EFR3A: variants seen among roughly 807,000 people sequenced by gnomAD.
EFR3A encodes EFR3 homolog A, also known as protein EFR3 homolog A.
In EFR3A, 76 loss-of-function variants were observed where a neutral mutation model predicts 104.4. That is an observed-to-expected ratio of 0.73 (90% CI 0.60 to 0.88). The LOEUF (loss-of-function observed/expected upper bound fraction) is 0.88. EFR3A is among the 40% of genes least tolerant of loss of function. EFR3A has a pLI of 0.00. For missense variants in EFR3A, 985 were observed against 1,012.5 expected, an observed-to-expected ratio of 0.97 and a Z score of 0.37; for synonymous variants, 330 against 330.0, an observed-to-expected ratio of 1.00 and a Z score of 0.00.
chr8:131,970,770 A>G, intron 10 of EFR3A, 127 bp downstream of exon 10: 3 of 928,998 alleles, frequency 3.2e-6, no homozygotes, highest in Non-Finnish European at 4.7e-6. Flanking sequence ...TGAAAATTTA[A>G]TTTTCGAAAA....
At chr8:131,993,551 T>G (rs1821315796) in intron 18 of EFR3A, among the ~76,000 whole-genome samples, 1 of 152,144 alleles carries the variant, frequency 6.6e-6, no homozygotes, top group Non-Finnish European at 1.5e-5. Flanking sequence ...TTCTTCATTC[T>G]TTGCCCCTTC....
intron 8 of EFR3A, among the ~76,000 whole-genome samples, chr8:131,962,561 A>G (rs1819426395): frequency 6.6e-6 from 1 of 152,224 alleles, no homozygotes; most frequent in Admixed American, 6.5e-5. Context: ...TTCATAAAGC[A>G]AGTCGTTAGA....
chr8:131,964,576 T>C (rs1398770927), intron 8 of EFR3A, among the ~76,000 whole-genome samples: 1 of 152,114 alleles, frequency 6.6e-6, no homozygotes, highest in Admixed American at 6.5e-5. Flanking sequence ...TAAAAGACTA[T>C]ATAAACAAAT....
intron 8 of EFR3A, among the ~76,000 whole-genome samples, chr8:131,960,012 T>A (rs7000712): frequency 2.0e-5 from 3 of 151,952 alleles, no homozygotes; most frequent in Non-Finnish European, 4.4e-5. Flanking sequence ...CTTCCTTTCC[T>A]GGATGGGCCC....
rs1045023600 is a variant in EFR3A, at chr8:131,954,113, A to G, written c.638+146A>G. 5.4e-5 allele frequency: 42 copies of G among 773,692 alleles called. 1 individual carries two copies. The South Asian group carries it at 9.3e-4, about 17-fold the overall frequency. The allele number at this position is 773,692 out of a possible 1,614,324, so 47.9% of individuals were successfully genotyped here. On this transcript the variant is annotated intron_variant, in intron 6 of 22. Coordinates refer to ENST00000254624, the MANE Select transcript of EFR3A (RefSeq NM_015137.6). ...GAGTTTAAAAATATGTACCTTTCTGAAAAAATTTTTACTCTGTAGTGATCA... is the reference window on the plus strand; with the variant it reads ...GAGTTTAAAAATATGTACCTTTCTGGAAAAATTTTTACTCTGTAGTGATCA...
intron 8 of EFR3A, 105 bp from the exon 9 acceptor site, chr8:131,968,190 G>T: frequency 9.6e-7 from 1 of 1,040,906 alleles, no homozygotes; most frequent in Admixed American, 2.7e-5. Context: ...ATGACCACCA[G>T]TCACTAATTG....
In EFR3A at chr8:131,978,731, C is replaced by T. The variant is rs191510483; in HGVS notation, c.1327-116C>T. 43 of 798,600 alleles carry T rather than the reference C, an allele frequency of 5.4e-5. No individual in the cohort carries two copies. The African/African-American group carries it at 7.6e-4, about 14-fold the overall frequency. 49.5% of individuals were successfully genotyped at this position (798,600 alleles called of 1,614,324 possible). ...TGCACATTTCTTTTATGTCTTTTCT[C>T]CAGGCTTCTGTCCATATTTTCTTTC... On this transcript the variant is annotated intron_variant, in intron 12 of 22. Transcript: ENST00000254624.
intron 14 of EFR3A, among the ~76,000 whole-genome samples, chr8:131,980,503 G>A (rs1820552860): frequency 6.6e-6 from 1 of 151,834 alleles, no homozygotes; most frequent in Non-Finnish European, 1.5e-5. Context: ...CTGCATAACT[G>A]AGGAACCTCA....
intron 1 of EFR3A, among the ~76,000 whole-genome samples, chr8:131,922,386 G>A (rs1251373001): frequency 6.6e-6 from 1 of 152,102 alleles, no homozygotes; most frequent in African/African-American, 2.4e-5. Flanking sequence ...CAAAAGAAAT[G>A]CTCTTTGGAG....
intron 8 of EFR3A, among the ~76,000 whole-genome samples, chr8:131,967,503 G>T (rs1184587143): frequency 6.7e-6 from 1 of 150,372 alleles, no homozygotes; most frequent in Non-Finnish European, 1.5e-5. Context: ...CTTGGTGGAT[G>T]ATAGTAGACC....
intron 8 of EFR3A, among the ~76,000 whole-genome samples, chr8:131,964,238 A>C (rs957301280): frequency 4.0e-5 from 6 of 151,710 alleles, no homozygotes; most frequent in Non-Finnish European, 8.8e-5. Flanking sequence ...CAGGCAGGAG[A>C]AGGAAATAAA....
chr8:131,935,343 A>G lies in EFR3A; in HGVS notation c.11-5156A>G, dbSNP rs540662324. Reference sequence around the variant, plus strand: ...TTTATGCCTGACATGCATAACAATGAGTAAGATACATGGGCTTTGCATTTG... The same window carrying G: ...TTTATGCCTGACATGCATAACAATGGGTAAGATACATGGGCTTTGCATTTG... On this transcript the variant is annotated intron_variant, in intron 1 of 22. Transcript: ENST00000254624. 1.6e-4 allele frequency among the ~76,000 whole-genome samples: 24 copies of G among 152,302 alleles called. No individual in the cohort carries two copies. In the South Asian group the frequency reaches 1.7e-3, roughly 11 times the overall value.
At chr8:131,968,270 C>T in intron 8 of EFR3A, 25 bp from the exon 9 acceptor site, 3 of 1,609,404 alleles carry the variant, frequency 1.9e-6, no homozygotes, top group Non-Finnish European at 2.5e-6. Context: ...TTTTATACAT[C>T]TTTGTACTGT....
chr8:131,910,396 C>T (rs186183229), intron 1 of EFR3A, among the ~76,000 whole-genome samples: 6 of 152,278 alleles, frequency 3.9e-5, no homozygotes, highest in Admixed American at 6.5e-5. Context: ...CTCGGCCTCC[C>T]GAGTAGCTGG....
intron 7 of EFR3A, among the ~76,000 whole-genome samples, chr8:131,959,134 C>T (rs573981476): frequency 2.9e-4 from 44 of 152,168 alleles, no homozygotes; most frequent in African/African-American, 9.9e-4. Flanking sequence ...AAGCTGGTTT[C>T]GATATGGAAG....
At chr8:131,968,037 T>A (rs576471271) in intron 8 of EFR3A, among the ~76,000 whole-genome samples, 1 of 152,262 alleles carries the variant, frequency 6.6e-6, no homozygotes, top group South Asian at 2.1e-4. Context: ...TAATTTACTT[T>A]TTAAAAACTA....
At chr8:132,003,353 A>G in intron 22 of EFR3A, 68 bp downstream of exon 22, 3 of 1,394,070 alleles carry the variant, frequency 2.2e-6, no homozygotes, top group Non-Finnish European at 3.0e-6. Context: ...ACCCCTATGA[A>G]TTTGTGGTTC....
intron 22 of EFR3A, among the ~76,000 whole-genome samples, chr8:132,006,136 GAA>G (rs1325809920): frequency 7.2e-5 from 11 of 152,240 alleles, no homozygotes; most frequent in Admixed American, 2.6e-4. Flanking sequence ...TGCTTGCAAA[GAA>G]GAGAGATCTG....
chr8:131,914,070 C>T (rs954652839), intron 1 of EFR3A, among the ~76,000 whole-genome samples: 2 of 152,162 alleles, frequency 1.3e-5, no homozygotes, highest in Non-Finnish European at 2.9e-5. Flanking sequence ...TTGTTAGAAT[C>T]AGCAGGTTAT....
Sources: gnomAD v4.1 joint callset for allele counts (sites outside exome capture counted in the v4.1 genomes callset) on GRCh38, gnomAD v4.1.1 for gene constraint, MANE v1.5 for transcripts, NCBI Gene and HGNC (gene_info 2026-07-23, HGNC 2026-07-21) for gene names.